GAB2: variants seen among roughly 807,000 people sequenced by gnomAD.
GAB2 encodes GRB2 associated binding protein 2.
A neutral mutation model predicts 65.5 loss-of-function variants in GAB2; 26 were observed. That is an observed-to-expected ratio of 0.40 (90% CI 0.29 to 0.55). GAB2 has a LOEUF of 0.55. Among genes scored for constraint, GAB2 ranks in the 20% least tolerant of loss-of-function variants. The pLI is 0.53. For synonymous variants in GAB2, 321 were observed against 329.6 expected (o/e 0.97, Z 0.28); for missense variants, 884 against 875.8 (o/e 1.01, Z -0.12).
intron 1 of GAB2, among the ~76,000 whole-genome samples, chr11:78,391,209 C>T (rs1474472417): frequency 3.3e-5 from 5 of 152,104 alleles, no homozygotes; most frequent in African/African-American, 7.2e-5. Flanking sequence ...TTGGGAGAAT[C>T]GCTTGAGCCC....
intron 1 of GAB2, among the ~76,000 whole-genome samples, chr11:78,298,741 T>C (rs1238503360): frequency 6.6e-6 from 1 of 152,124 alleles, no homozygotes; most frequent in African/African-American, 2.4e-5. Flanking sequence ...AGCACTGAAT[T>C]AAGCAAAGGT....
intron 1 of GAB2, among the ~76,000 whole-genome samples, chr11:78,319,660 C>T (rs1443243549): frequency 6.6e-6 from 1 of 152,192 alleles, no homozygotes; most frequent in Non-Finnish European, 1.5e-5. Context: ...TATGACTAAT[C>T]ATACTTAGCA....
intron 2 of GAB2, among the ~76,000 whole-genome samples, chr11:78,264,729 A>G (rs1248071068): frequency 6.6e-6 from 1 of 152,166 alleles, no homozygotes; most frequent in Non-Finnish European, 1.5e-5. Context: ...GTTTTTGAGT[A>G]CCACAACGAC....
At chr11:78,342,002 C>T (rs958511382) in intron 1 of GAB2, 1 of 359,678 alleles carries the variant, frequency 2.8e-6, no homozygotes, top group Non-Finnish European at 3.9e-6. Context: ...CTATGGACAA[C>T]AAACTGTGCC....
chr11:78,330,806 A>G (rs1855901523), intron 1 of GAB2, among the ~76,000 whole-genome samples: 1 of 151,866 alleles, frequency 6.6e-6, no homozygotes, highest in Non-Finnish European at 1.5e-5. Flanking sequence ...GTATTTTCTT[A>G]ATGGAACTGT....
chr11:78,312,930 T>C (rs1305623617), intron 1 of GAB2, among the ~76,000 whole-genome samples: 1 of 152,026 alleles, frequency 6.6e-6, no homozygotes, highest in African/African-American at 2.4e-5. Context: ...CCATCAAGGG[T>C]GGCAGAAACG....
chr11:78,394,549 T>C (rs1856871732), intron 1 of GAB2, among the ~76,000 whole-genome samples: 1 of 152,200 alleles, frequency 6.6e-6, no homozygotes, highest in African/African-American at 2.4e-5. Context: ...TTTGGGGTAA[T>C]AACTTTTAAA....
intron 7 of GAB2, 70 bp from the exon 8 acceptor site, chr11:78,221,849 G>A (rs1864442871): frequency 1.8e-6 from 2 of 1,104,768 alleles, no homozygotes; most frequent in African/African-American, 3.1e-5. Context: ...GCCTCCAGCT[G>A]GGCCCTGACC....
intron 1 of GAB2, among the ~76,000 whole-genome samples, chr11:78,416,923 G>T (rs557865214): frequency 1.2e-3 from 177 of 152,234 alleles, no homozygotes; most frequent in African/African-American, 4.0e-3. Context: ...ACCTGGCCGC[G>T]GAGAGCCTCG....
At chr11:78,287,761 GC>G (rs1421718641) in intron 1 of GAB2, among the ~76,000 whole-genome samples, 1 of 150,636 alleles carries the variant, frequency 6.6e-6, no homozygotes, top group African/African-American at 2.4e-5. Context: ...TGATTCTTGT[GC>G]CTCAGCCTCC....
chr11:78,280,839 C>T lies in GAB2; in HGVS notation c.138G>A (p.Leu46=). 2 of 1,613,938 alleles carry T rather than the reference C, an allele frequency of 1.2e-6. No homozygotes were observed. The highest frequency in any genetic ancestry group is 1.7e-6 in the Non-Finnish European group (2 of 1,179,804). ...TGGAGTGATCGTTCTTGTAGTATTCCAGAACATCTGGGTCACCGCTCATCC... is the reference window on the plus strand; with the variant it reads ...TGGAGTGATCGTTCTTGTAGTATTCTAGAACATCTGGGTCACCGCTCATCC... The part of the protein sequence containing the change: ...SGRMSGDPDV[L]EYYKNDHSKK... Residue 46 remains leucine, a synonymous_variant, in exon 2 of 10, where the codon CTG becomes CTA. Transcript: ENST00000361507.
At chr11:78,258,320 G>C (rs892519164) in intron 2 of GAB2, among the ~76,000 whole-genome samples, 1 of 152,162 alleles carries the variant, frequency 6.6e-6, no homozygotes. Flanking sequence ...GGCAAAGCAG[G>C]CTTTGAGTGA....
At chr11:78,308,670 T>C (rs1036744838) in intron 1 of GAB2, among the ~76,000 whole-genome samples, 16 of 152,100 alleles carry the variant, frequency 1.1e-4, no homozygotes, top group African/African-American at 3.9e-4. Flanking sequence ...GAACTAACAA[T>C]ATTTCTTGAG....
At chr11:78,294,601 C>T (rs976781176) in intron 1 of GAB2, among the ~76,000 whole-genome samples, 4 of 152,056 alleles carry the variant, frequency 2.6e-5, no homozygotes, top group African/African-American at 9.7e-5. Flanking sequence ...TTTTAATGAT[C>T]GCCATTTGAC....
In GAB2 at chr11:78,346,720, TA is replaced by T. The variant is rs370773286; in HGVS notation, c.76-65820del. 6.5e-3 allele frequency among the ~76,000 whole-genome samples: 414 copies of T among 63,838 alleles called. 13 individuals are homozygous for T. Among genetic ancestry groups the T allele is most frequent in the East Asian group, 0.035 (57 of 1,636 alleles). 41.9% of individuals were successfully genotyped at this position (63,838 alleles called of 152,430 possible). A position where few individuals can be genotyped will look rare whatever the true frequency, so the allele number is the denominator to read the frequency against. ...ATATATATATATATATATATATATA[TA>T]ATTTTTTTTTTTTTTAGGAAAAGAA... On this transcript the variant is annotated intron_variant, in intron 1 of 9. Coordinates refer to ENST00000361507, the MANE Select transcript of GAB2 (RefSeq NM_080491.3).
intron 1 of GAB2, among the ~76,000 whole-genome samples, chr11:78,356,180 A>ACG (rs1448240490): frequency 1.2e-4 from 15 of 129,156 alleles, no homozygotes; most frequent in Non-Finnish European, 2.1e-4. Context: ...CTCAAAAAAA[A>ACG]AGAAAAAAAA....
chr11:78,244,663 T>TAAAAAA (rs36056237), intron 3 of GAB2, among the ~76,000 whole-genome samples: 17 of 74,722 alleles, frequency 2.3e-4, no homozygotes, highest in East Asian at 1.0e-3. Context: ...ACATTCATAG[T>TAAAAAA]AAAAAAAAAA....
intron 1 of GAB2, among the ~76,000 whole-genome samples, chr11:78,395,272 G>A (rs1043487786): frequency 3.9e-5 from 6 of 152,210 alleles, no homozygotes; most frequent in African/African-American, 1.2e-4. Context: ...TGGCCAACAC[G>A]GTGAAACCGT....
Position 78,409,073 on chromosome 11 carries a change from A to G in GAB2, c.75+8573T>C, listed in dbSNP as rs150567992. Reference sequence around the variant, plus strand: ...GGTAGGTTGAAAGTAAATTGATGGAAAAGATGTATCATGTGAATATCAATA... The same window carrying G: ...GGTAGGTTGAAAGTAAATTGATGGAGAAGATGTATCATGTGAATATCAATA... On this transcript the variant is annotated intron_variant, in intron 1 of 9. Transcript: ENST00000361507. 2.4e-3 allele frequency among the ~76,000 whole-genome samples: 364 copies of G among 152,326 alleles called. 2 individuals carry two copies. Among genetic ancestry groups the G allele is most frequent in the African/African-American group, 7.9e-3 (328 of 41,578 alleles).
Sources: gnomAD v4.1 joint callset for allele counts (sites outside exome capture counted in the v4.1 genomes callset) on GRCh38, gnomAD v4.1.1 for gene constraint, MANE v1.5 for transcripts, NCBI Gene and HGNC (gene_info 2026-07-23, HGNC 2026-07-21) for gene names.